The following LMX1A variants were observed in gnomAD, a reference collection of about 807,000 sequenced individuals.
LMX1A encodes LIM homeobox transcription factor 1-alpha.
A neutral mutation model predicts 49.1 loss-of-function variants in LMX1A; 15 were observed. The observed-to-expected ratio is 0.31, with a 90% CI of 0.20 to 0.47. The LOEUF is 0.47. Ranked by LOEUF, LMX1A falls within the 20% of genes least tolerant of loss-of-function variation. The pLI, the probability that LMX1A is intolerant of heterozygous loss-of-function variation, is 1.00. For missense variants in LMX1A, 372 were observed against 475.8 expected, an observed-to-expected ratio of 0.78 and a Z score of 2.03; for synonymous variants, 167 against 185.7, an observed-to-expected ratio of 0.90 and a Z score of 0.82.
At chr1:165,207,557 A>T (rs1364653075) in intron 7 of LMX1A, 1 of 152,392 alleles carries the variant, frequency 6.6e-6, no homozygotes, top group Non-Finnish European at 1.5e-5. Flanking sequence ...CAACTTCTCC[A>T]CTCGCCTCCA....
intron 3 of LMX1A, among the ~76,000 whole-genome samples, chr1:165,292,500 C>G (rs1042376611): frequency 1.3e-5 from 2 of 152,134 alleles, no homozygotes; most frequent in Admixed American, 1.3e-4. Flanking sequence ...TGGAGAAGAG[C>G]AGGTGGCTTC....
chr1:165,347,572 A>G lies in LMX1A; in HGVS notation c.263+5504T>C, dbSNP rs1398089425. ...AAATCTTCATAAAAAAGAAAGAAAG[A>G]AAATTGAAAAACACTGAAGTAGAGC... On this transcript the variant is annotated intron_variant, in intron 3 of 8. Transcript: ENST00000342310. 2.0e-5 allele frequency among the ~76,000 whole-genome samples: 3 copies of G among 152,242 alleles called. No individual in the cohort carries two copies. The East Asian group carries it at 5.8e-4, about 29-fold the overall frequency.
intron 4 of LMX1A, among the ~76,000 whole-genome samples, chr1:165,239,551 A>C (rs555492634): frequency 6.6e-6 from 1 of 152,236 alleles, no homozygotes; most frequent in East Asian, 1.9e-4. Context: ...GCTGAGCCTC[A>C]AACTAAGAGC....
At chr1:165,341,307 AT>A in intron 3 of LMX1A, among the ~76,000 whole-genome samples, 1 of 152,064 alleles carries the variant, frequency 6.6e-6, no homozygotes, top group East Asian at 1.9e-4. Flanking sequence ...GGCTCCATCC[AT>A]TTGCACATGT....
At chr1:165,288,144 A>G (rs1182867505) in intron 3 of LMX1A, among the ~76,000 whole-genome samples, 1 of 152,200 alleles carries the variant, frequency 6.6e-6, no homozygotes, top group Non-Finnish European at 1.5e-5. Context: ...TATTAAATGG[A>G]GATAACAATA....
chr1:165,229,366 A>G (rs79870753), intron 4 of LMX1A, among the ~76,000 whole-genome samples: 1,557 of 152,318 alleles, frequency 0.01, 13 homozygotes, highest in Non-Finnish European at 0.018. Flanking sequence ...TATTAATGGA[A>G]GCTATAGATG....
intron 4 of LMX1A, among the ~76,000 whole-genome samples, chr1:165,220,229 G>T (rs1651791045): frequency 6.6e-6 from 1 of 151,856 alleles, no homozygotes; most frequent in Non-Finnish European, 1.5e-5. Context: ...AGATACTAAA[G>T]TATATTAAAG....
At chr1:165,233,142 T>C (rs959777420) in intron 4 of LMX1A, among the ~76,000 whole-genome samples, 3 of 152,232 alleles carry the variant, frequency 2.0e-5, no homozygotes, top group Non-Finnish European at 4.4e-5. Flanking sequence ...ATTGCATCCA[T>C]GGAGACACTG....
In LMX1A at chr1:165,203,433, A is replaced by C. The variant is rs1379314413; in HGVS notation, c.*447T>G. ...TGTACAGTTGGTGTCTGTTATAATT[A>C]GGAATAAACTTTGAGGGTAAAATAC... On this transcript the variant is annotated 3_prime_UTR_variant, in exon 9 of 9. Coordinates refer to ENST00000342310, the MANE Select transcript of LMX1A (RefSeq NM_177398.4). The C allele has an allele frequency of 6.5e-6, 1 of 153,468 alleles. No individual in the cohort carries two copies. The highest frequency in any genetic ancestry group is 1.9e-4 in the East Asian group (1 of 5,216). 9.5% of individuals were successfully genotyped at this position (153,468 alleles called of 1,614,324 possible). A position where few individuals can be genotyped will look rare whatever the true frequency, so the allele number is the denominator to read the frequency against.
chr1:165,350,507 C>T (rs1172951730), intron 3 of LMX1A, among the ~76,000 whole-genome samples: 3 of 151,818 alleles, frequency 2.0e-5, no homozygotes, highest in Non-Finnish European at 2.9e-5. Context: ...TCCATAAAAG[C>T]TTACTGAATA....
intron 3 of LMX1A, among the ~76,000 whole-genome samples, chr1:165,282,980 T>C (rs1654196677): frequency 6.6e-6 from 1 of 152,258 alleles, no homozygotes; most frequent in African/African-American, 2.4e-5. Context: ...TATTCCAGTT[T>C]GATCCTCACC....
At chr1:165,237,569 A>G (rs1055260582) in intron 4 of LMX1A, among the ~76,000 whole-genome samples, 4 of 152,158 alleles carry the variant, frequency 2.6e-5, no homozygotes, top group African/African-American at 7.2e-5. Context: ...TCAGAATCAG[A>G]AAAACAAAAA....
intron 3 of LMX1A, among the ~76,000 whole-genome samples, chr1:165,330,870 C>T (rs1655725747): frequency 6.6e-6 from 1 of 151,968 alleles, no homozygotes; most frequent in Admixed American, 6.6e-5. Flanking sequence ...AAATGTCCAG[C>T]TGAGCCCTGA....
chr1:165,309,445 C>T (rs1331526937), intron 3 of LMX1A, among the ~76,000 whole-genome samples: 1 of 152,206 alleles, frequency 6.6e-6, no homozygotes, highest in East Asian at 1.9e-4. Flanking sequence ...CCGCCAGAGA[C>T]GCAAGGGCAC....
chr1:165,285,263 G>C (rs1654272166), intron 3 of LMX1A, among the ~76,000 whole-genome samples: 1 of 152,202 alleles, frequency 6.6e-6, no homozygotes, highest in African/African-American at 2.4e-5. Flanking sequence ...AGGAATTCTA[G>C]ACTCCACTTC....
At chr1:165,332,190 T>G (rs1196659097) in intron 3 of LMX1A, among the ~76,000 whole-genome samples, 1 of 152,008 alleles carries the variant, frequency 6.6e-6, no homozygotes, top group Admixed American at 6.5e-5. Flanking sequence ...AAAAATTCCA[T>G]AAACCAAAAG....
chr1:165,271,460 AGTTTTGT>A (rs1380916290), intron 3 of LMX1A, among the ~76,000 whole-genome samples: 1 of 152,212 alleles, frequency 6.6e-6, no homozygotes, highest in Non-Finnish European at 1.5e-5. Flanking sequence ...CTGTTCATTT[AGTTTTGT>A]GTTTGTTGCA....
chr1:165,299,861 C>T (rs1259992250), intron 3 of LMX1A, among the ~76,000 whole-genome samples: 3 of 151,742 alleles, frequency 2.0e-5, no homozygotes, highest in African/African-American at 7.3e-5. Flanking sequence ...TTCTTCCTGA[C>T]CCCTTACTTT....
At chr1:165,229,385 G>A (rs1368002859) in intron 4 of LMX1A, among the ~76,000 whole-genome samples, 1 of 152,096 alleles carries the variant, frequency 6.6e-6, no homozygotes, top group Non-Finnish European at 1.5e-5. Context: ...TGGCCCCCCC[G>A]TCACTTCTAT....
Sources: gnomAD v4.1 joint callset for allele counts (sites outside exome capture counted in the v4.1 genomes callset) on GRCh38, gnomAD v4.1.1 for gene constraint, MANE v1.5 for transcripts, NCBI Gene and HGNC (gene_info 2026-07-23, HGNC 2026-07-21) for gene names.